KIF6: variants seen among roughly 807,000 people sequenced by gnomAD.
The protein encoded by KIF6 is kinesin-like protein KIF6.
Under a neutral mutation model 112.7 loss-of-function variants are expected in KIF6, and 106 were observed. The ratio of observed to expected loss-of-function variants is 0.94; its 90% CI spans 0.80 to 1.11. KIF6 has a LOEUF of 1.11. Among genes scored for constraint, KIF6 ranks in the 50% least tolerant of loss-of-function variants. KIF6 has a pLI of 0.00. For synonymous variants in KIF6, 339 were observed against 339.9 expected, an observed-to-expected ratio of 1.00 and a Z score of 0.03; for missense variants, 929 against 964.0, an observed-to-expected ratio of 0.96 and a Z score of 0.48.
chr6:39,618,508 C>G (rs538728268), intron 5 of KIF6, among the ~76,000 whole-genome samples: 2 of 152,292 alleles, frequency 1.3e-5, no homozygotes, highest in East Asian at 3.9e-4. Flanking sequence ...TTCGGCACAA[C>G]TGACTAGCAT....
chr6:39,606,022 G>C (rs1202726860), intron 6 of KIF6, among the ~76,000 whole-genome samples: 1 of 151,824 alleles, frequency 6.6e-6, no homozygotes, highest in Non-Finnish European at 1.5e-5. Context: ...TTCTAACTAT[G>C]CATAATTGGA....
intron 3 of KIF6, among the ~76,000 whole-genome samples, chr6:39,660,618 AT>A (rs559207318): frequency 7.3e-5 from 11 of 151,594 alleles, no homozygotes; most frequent in African/African-American, 1.5e-4. Flanking sequence ...CAAAAGCTAA[AT>A]TTTTTTTTGA....
At chr6:39,393,199 G>T (rs755423101) in intron 15 of KIF6, among the ~76,000 whole-genome samples, 1 of 152,200 alleles carries the variant, frequency 6.6e-6, no homozygotes, top group Non-Finnish European at 1.5e-5. Flanking sequence ...GTCATAAGAA[G>T]ACAAAGAGCA....
chr6:39,704,962 G>A (rs1216005459), intron 3 of KIF6, among the ~76,000 whole-genome samples: 1 of 152,220 alleles, frequency 6.6e-6, no homozygotes, highest in Non-Finnish European at 1.5e-5. Flanking sequence ...TATGAAGCCG[G>A]TTCTGGCTTT....
At chr6:39,584,813 G>A in intron 9 of KIF6, 85 bp downstream of exon 9, 1 of 802,630 alleles carries the variant, frequency 1.2e-6, no homozygotes, top group Non-Finnish European at 2.1e-6. Flanking sequence ...AACATTCCCA[G>A]TACAGAGCAA....
intron 15 of KIF6, among the ~76,000 whole-genome samples, chr6:39,408,622 G>C (rs1769256621): frequency 6.6e-6 from 1 of 151,792 alleles, no homozygotes. Flanking sequence ...TTTGTACATA[G>C]GTGCCTCTCT....
chr6:39,615,551 T>C (rs1052380526), intron 5 of KIF6, among the ~76,000 whole-genome samples: 1 of 128,008 alleles, frequency 7.8e-6, no homozygotes, highest in African/African-American at 3.0e-5. Flanking sequence ...TCCTAAGAGA[T>C]TCTGATTTGA....
chr6:39,655,355 T>TA (rs1179509929), intron 3 of KIF6, among the ~76,000 whole-genome samples: 1 of 152,168 alleles, frequency 6.6e-6, no homozygotes, highest in Non-Finnish European at 1.5e-5. Context: ...TATTTCCATT[T>TA]AATCATATTA....
intron 9 of KIF6, among the ~76,000 whole-genome samples, chr6:39,583,787 C>A (rs1781442700): frequency 7.2e-6 from 1 of 139,570 alleles, no homozygotes; most frequent in South Asian, 2.3e-4. Context: ...AAAAATGATG[C>A]AATCTTAATT....
chr6:39,581,070 G>A (rs1186171637), intron 9 of KIF6, among the ~76,000 whole-genome samples: 1 of 151,522 alleles, frequency 6.6e-6, no homozygotes. Context: ...ATCCTTTCTG[G>A]AATATTTGGT....
intron 10 of KIF6, chr6:39,554,887 C>T (rs1433147737): frequency 9.7e-6 from 2 of 205,346 alleles, no homozygotes; most frequent in Admixed American, 8.8e-5. Context: ...CACCTACAAC[C>T]TGGATGAGAG....
intron 13 of KIF6, among the ~76,000 whole-genome samples, chr6:39,462,808 A>G (rs902338431): frequency 6.6e-6 from 1 of 152,202 alleles, no homozygotes; most frequent in African/African-American, 2.4e-5. Context: ...CTACTAGATT[A>G]TAAGGGCTAG....
At chr6:39,635,269 T>C (rs1784567046) in intron 4 of KIF6, among the ~76,000 whole-genome samples, 1 of 151,510 alleles carries the variant, frequency 6.6e-6, no homozygotes, top group South Asian at 2.1e-4. Flanking sequence ...TAACACACCA[T>C]TTTTTTTACT....
rs560425652 is a variant in KIF6, at chr6:39,346,138, T to C, written c.2231+338A>G. Among the ~76,000 whole-genome samples, 51 of 98,852 alleles carry C rather than the reference T, an allele frequency of 5.2e-4. 1 individual carries two copies. Among genetic ancestry groups the C allele is most frequent in the African/African-American group, 1.3e-3 (27 of 21,176 alleles). 64.9% of individuals were successfully genotyped at this position (98,852 alleles called of 152,430 possible). ...CTCCCTCTCCCTCCCTCTCCCTCTC[T>C]CTCTCTCTCTCTCTCTCTCTCTCTT... On this transcript the variant is annotated intron_variant, in intron 20 of 22. Transcript: ENST00000287152.
chr6:39,522,868 T>C (rs1777474184), intron 13 of KIF6, among the ~76,000 whole-genome samples: 1 of 152,186 alleles, frequency 6.6e-6, no homozygotes, highest in Admixed American at 6.5e-5. Context: ...TTTTCCTCTT[T>C]TCCTGGCTAC....
intron 2 of KIF6, among the ~76,000 whole-genome samples, chr6:39,717,391 CTAT>C (rs1400836506): frequency 6.6e-6 from 1 of 152,184 alleles, no homozygotes; most frequent in African/African-American, 2.4e-5. Flanking sequence ...TTCACTCTTG[CTAT>C]TCCCTTGGCC....
intron 14 of KIF6, among the ~76,000 whole-genome samples, chr6:39,424,865 C>T (rs1469523732): frequency 6.6e-6 from 1 of 152,146 alleles, no homozygotes; most frequent in African/African-American, 2.4e-5. Flanking sequence ...CTCTGCAAGT[C>T]AATGGTCAAG....
In KIF6 at chr6:39,720,650, G is replaced by T. The variant is rs1474222434; in HGVS notation, c.176+52C>A. On this transcript the variant is annotated intron_variant, in intron 2 of 22. Coordinates refer to ENST00000287152, the MANE Select transcript of KIF6 (RefSeq NM_145027.6). ...CACAATGAATATTAATGCAGTACAA[G>T]AGTTAGTTCAATAATGAAACAGAAA... 4.3e-6 allele frequency: 4 copies of T among 923,866 alleles called. No homozygotes were observed. The African/African-American group carries it at 4.9e-5, about 11-fold the overall frequency. The allele number at this position is 923,866 out of a possible 1,614,324, so 57.2% of individuals were successfully genotyped here.
At chr6:39,563,510 T>C (rs1271958758) in intron 10 of KIF6, among the ~76,000 whole-genome samples, 4 of 152,206 alleles carry the variant, frequency 2.6e-5, no homozygotes, top group African/African-American at 4.8e-5. Context: ...AATATATGCA[T>C]ATTATTTATA....
Sources: gnomAD v4.1 joint callset for allele counts (sites outside exome capture counted in the v4.1 genomes callset) on GRCh38, gnomAD v4.1.1 for gene constraint, MANE v1.5 for transcripts, NCBI Gene and HGNC (gene_info 2026-07-23, HGNC 2026-07-21) for gene names.